TOGARAM1: variants seen among roughly 807,000 people sequenced by gnomAD.
The protein encoded by TOGARAM1 is TOG array regulator of axonemal microtubules 1, also known as TOG array regulator of axonemal microtubules protein 1.
TOGARAM1 carries 100 observed loss-of-function variants against 166.6 expected under a neutral mutation model. That is an observed-to-expected ratio of 0.60 (90% CI 0.51 to 0.71). The LOEUF (loss-of-function observed/expected upper bound fraction) is 0.71, where lower values mean the gene tolerates loss of function less well. Among genes scored for constraint, TOGARAM1 ranks in the 30% least tolerant of loss-of-function variants. The pLI is 0.00. For synonymous variants in TOGARAM1, 758 were observed against 763.8 expected (o/e 0.99, Z 0.13); for missense variants, 2,029 against 2,102.7 (o/e 0.96, Z 0.69).
At chr14:44,977,697 C>T (rs1239458408) in intron 1 of TOGARAM1, among the ~76,000 whole-genome samples, 4 of 151,870 alleles carry the variant, frequency 2.6e-5, no homozygotes, top group Non-Finnish European at 4.4e-5. Context: ...GGAGTGCAGT[C>T]GTATGAGCTG....
At chr14:45,005,064 C>T (rs1240279920) in intron 4 of TOGARAM1, among the ~76,000 whole-genome samples, 5 of 151,720 alleles carry the variant, frequency 3.3e-5, no homozygotes, top group African/African-American at 9.7e-5. Context: ...TATAGGCATG[C>T]GCCACCATGC....
chr14:45,047,624 T>C (rs1882140305), intron 14 of TOGARAM1, among the ~76,000 whole-genome samples: 2 of 152,250 alleles, frequency 1.3e-5, no homozygotes, highest in African/African-American at 4.8e-5. Context: ...ATGCTTATGT[T>C]AAATTTCTAG....
intron 16 of TOGARAM1, 101 bp downstream of exon 16, chr14:45,054,650 T>C: frequency 2.6e-6 from 2 of 760,232 alleles, no homozygotes; most frequent in Non-Finnish European, 4.3e-6. Context: ...TTGCCAAAAT[T>C]TAATGGAGTT....
intron 1 of TOGARAM1, among the ~76,000 whole-genome samples, chr14:44,969,103 TTC>T (rs781649397): frequency 8.4e-5 from 12 of 143,152 alleles, no homozygotes; most frequent in Non-Finnish European, 1.7e-4. Flanking sequence ...CCTCATTTCT[TTC>T]TTTCTTTCCT....
In TOGARAM1 at chr14:44,963,819, A is replaced by C; in HGVS notation, c.1398A>C (p.Val466=). The C allele has an allele frequency of 6.2e-7, 1 of 1,614,226 alleles. No individual in the cohort carries two copies. The highest frequency in any genetic ancestry group is 8.5e-7 in the Non-Finnish European group (1 of 1,180,030). The change falls in exon 1 of 20, where the codon GTA becomes GTC. Residue 466 remains valine, a synonymous_variant. Coordinates refer to ENST00000361462, the MANE Select transcript of TOGARAM1 (RefSeq NM_001308120.2). The part of the protein sequence containing the change: ...MKIFLKLMKE[V]GPQQVLCLLL... ...TCTTCCTCAAGCTAATGAAGGAAGT[A>C]GGACCTCAGCAGGTGCTTTGTTTAC...
chr14:45,020,077 T>C (rs1880406640), intron 7 of TOGARAM1, among the ~76,000 whole-genome samples: 1 of 152,046 alleles, frequency 6.6e-6, no homozygotes, highest in Non-Finnish European at 1.5e-5. Context: ...AAGAGACCAA[T>C]TTAATAAGGA....
Position 45,066,611 on chromosome 14 carries a change from A to G in TOGARAM1, c.4593A>G (p.Lys1531=), listed in dbSNP as rs1347004890. The G allele has an allele frequency of 5.0e-6, 8 of 1,610,756 alleles. No homozygotes were observed. The highest frequency in any genetic ancestry group is 2.7e-5 in the African/African-American group (2 of 74,878). The stretch of plus-strand genomic sequence containing the variant: ...CTGAAGTTCGTGAAGTCACCAGAAA[A>G]TCAGTCCCTCGTAATTCCTTAGAAA... ...AVTEVREVTR[K]SVPRNSLESA... Residue 1531 remains lysine, a synonymous_variant, in exon 17 of 20, where the codon AAA becomes AAG. Transcript: ENST00000361462.
rs1048072233 is a variant in TOGARAM1 at position 45,028,181 on chromosome 14, A to C, written c.3510A>C (p.Lys1170Asn). 10 of 1,568,914 alleles carry C rather than the reference A, an allele frequency of 6.4e-6. No individual in the cohort carries two copies. The South Asian group carries it at 8.4e-5, about 13-fold the overall frequency. The part of the protein sequence containing the change: ...YLDVENEKDA[K>N]VSISKSTYNK... ...CTTTCAACTTTTTCATGCAGGCTAA[A>C]GTTTCTATTTCTAAATCTACTTATA... The change falls in exon 10 of 20, where the codon AAA becomes AAC. Residue 1170 changes from lysine (K) to asparagine (N), a missense_variant. Physicochemically the swap from Lys to Asn is moderately conservative, Grantham distance 94. Transcript: ENST00000361462.
At chr14:44,983,012 T>C (rs980807008) in intron 1 of TOGARAM1, among the ~76,000 whole-genome samples, 1 of 152,212 alleles carries the variant, frequency 6.6e-6, no homozygotes, top group Non-Finnish European at 1.5e-5. Context: ...AGCACAGGGA[T>C]ATAACAGGAT....
intron 8 of TOGARAM1, 125 bp downstream of exon 8, chr14:45,025,997 A>C (rs1880817326): frequency 9.4e-6 from 5 of 531,038 alleles, no homozygotes; most frequent in African/African-American, 1.9e-5. Flanking sequence ...AAAATGTATT[A>C]CATTATCTTC....
At position 45,038,312 on chromosome 14, in the gene TOGARAM1, C is replaced by A. The variant is rs1881542593; in HGVS notation, c.3813-5374C>A. Reference sequence around the variant, plus strand: ...GCCTTTGCCCAAGTTTTGCTCAGGCCCACTTGGGCTCTTTCCGCCCACTTG... The same window carrying A: ...GCCTTTGCCCAAGTTTTGCTCAGGCACACTTGGGCTCTTTCCGCCCACTTG... On this transcript the variant is annotated intron_variant, in intron 11 of 19. Transcript: ENST00000361462. Among the ~76,000 whole-genome samples, 3 of 152,238 alleles carry A rather than the reference C, an allele frequency of 2.0e-5. No individual in the cohort carries two copies. The South Asian group carries it at 6.2e-4, about 31-fold the overall frequency.
Position 44,962,898 on chromosome 14 carries a change from C to T in TOGARAM1, c.477C>T (p.Leu159=). The T allele has an allele frequency of 2.5e-6, 4 of 1,614,076 alleles. No individual in the cohort carries two copies. The highest frequency in any genetic ancestry group is 8.5e-7 in the Non-Finnish European group (1 of 1,180,034). ...SDEKRLCLQL[L]SDVLRGQGEA... is the part of the protein sequence containing the mutation. ...AGAAGCGGCTCTGCTTGCAACTTCTCTCGGACGTTCTCCGGGGTCAGGGGG... is the reference window on the plus strand; with the variant it reads ...AGAAGCGGCTCTGCTTGCAACTTCTTTCGGACGTTCTCCGGGGTCAGGGGG... The change falls in exon 1 of 20, where the codon CTC becomes CTT. Residue 159 remains leucine (L), a synonymous_variant. Transcript: ENST00000361462.
intron 7 of TOGARAM1, among the ~76,000 whole-genome samples, chr14:45,012,281 CTT>C (rs1879852854): frequency 6.6e-6 from 1 of 152,146 alleles, no homozygotes; most frequent in Admixed American, 6.5e-5. Flanking sequence ...TCATCAATCT[CTT>C]TTAAAGCTCA....
At chr14:45,042,170 T>C (rs566160768) in intron 11 of TOGARAM1, 1 of 152,354 alleles carries the variant, frequency 6.6e-6, no homozygotes, top group Admixed American at 6.5e-5. Context: ...ATCTCCCACA[T>C]GGCTATTGTA....
chr14:45,071,086 T>A (rs933124476), intron 18 of TOGARAM1, among the ~76,000 whole-genome samples: 1 of 151,960 alleles, frequency 6.6e-6, no homozygotes, highest in African/African-American at 2.4e-5. Context: ...CACGCCCAGC[T>A]AATTTTTGTA....
At chr14:45,070,389 T>C (rs1883326901) in intron 18 of TOGARAM1, among the ~76,000 whole-genome samples, 1 of 152,178 alleles carries the variant, frequency 6.6e-6, no homozygotes, top group Non-Finnish European at 1.5e-5. Context: ...GGGAAAGTCA[T>C]GACATGATAA....
rs2139002082 is a variant in TOGARAM1, at chr14:45,066,110, C to T, written c.4560-468C>T. On this transcript the variant is annotated intron_variant, in intron 16 of 19. Coordinates refer to ENST00000361462, the MANE Select transcript of TOGARAM1 (RefSeq NM_001308120.2). Reference sequence around the variant, plus strand: ...TTTTGGTATGTCCTAGGCAGACAGTCCCTACATTACCAGCTCCCAGTGAAA... The same window carrying T: ...TTTTGGTATGTCCTAGGCAGACAGTTCCTACATTACCAGCTCCCAGTGAAA... 1.3e-5 allele frequency among the ~76,000 whole-genome samples: 2 copies of T among 152,284 alleles called. 1 individual carries two copies. The highest frequency in any genetic ancestry group is 4.8e-5 in the African/African-American group (2 of 41,548).
intron 7 of TOGARAM1, among the ~76,000 whole-genome samples, chr14:45,016,975 A>G (rs1307366232): frequency 1.3e-5 from 2 of 152,328 alleles, no homozygotes; most frequent in South Asian, 2.1e-4. Context: ...CAGTGTAAGC[A>G]TAATTGGTCA....
At chr14:44,986,778 G>A (rs558236179) in intron 1 of TOGARAM1, among the ~76,000 whole-genome samples, 1 of 151,564 alleles carries the variant, frequency 6.6e-6, no homozygotes, top group African/African-American at 2.4e-5. Context: ...AGGCCCAGGC[G>A]GGCAGATCAC....
Sources: allele counts gnomAD v4.1 joint callset (sites outside exome capture counted in the v4.1 genomes callset), GRCh38; gene constraint gnomAD v4.1.1; transcripts MANE v1.5; gene names NCBI Gene and HGNC (gene_info 2026-07-23, HGNC 2026-07-21).